SLC35F4: variants seen among roughly 807,000 people sequenced by gnomAD.
The protein encoded by SLC35F4 is chromosome 14 open reading frame 36.
A neutral mutation model predicts 44.2 loss-of-function variants in SLC35F4; 24 were observed. The ratio of observed to expected loss-of-function variants is 0.54; its 90% CI spans 0.39 to 0.76. The LOEUF (loss-of-function observed/expected upper bound fraction) is 0.76, where lower values mean the gene tolerates loss of function less well. Among genes scored for constraint, SLC35F4 ranks in the 30% least tolerant of loss-of-function variants. The pLI is 0.00. For synonymous variants in SLC35F4, 238 were observed against 223.6 expected (o/e 1.06, Z -0.57); for missense variants, 562 against 586.1 (o/e 0.96, Z 0.42).
At chr14:57,925,983 T>A (rs529188612) in intron 1 of SLC35F4, among the ~76,000 whole-genome samples, 1 of 152,320 alleles carries the variant, frequency 6.6e-6, no homozygotes, top group African/African-American at 2.4e-5. Context: ...CACAGATCAC[T>A]TTTGTGCCTG....
At chr14:57,659,858 T>C (rs1221949256) in intron 1 of SLC35F4, among the ~76,000 whole-genome samples, 1 of 152,222 alleles carries the variant, frequency 6.6e-6, no homozygotes, top group Admixed American at 6.5e-5. Flanking sequence ...TTTTTAAAGA[T>C]TACTTTTATG....
At chr14:57,915,980 C>T (rs983844513) in intron 1 of SLC35F4, among the ~76,000 whole-genome samples, 2 of 152,186 alleles carry the variant, frequency 1.3e-5, no homozygotes, top group Non-Finnish European at 2.9e-5. Context: ...CAGCAACAAC[C>T]CTGCTTCTTG....
chr14:57,705,867 GT>G lies in SLC35F4; in HGVS notation c.104-111744del, dbSNP rs564582479. Among the ~76,000 whole-genome samples the G allele has an allele frequency of 7.4e-4, 113 of 152,134 alleles. 1 individual carries two copies. The highest frequency in any genetic ancestry group is 2.6e-3 in the African/African-American group (106 of 41,486). On this transcript the variant is annotated intron_variant, in intron 1 of 7. Transcript: ENST00000556826. ...TTATATAGATGTTTCCTCGAAGTTA[GT>G]TTTTTTTCTCCCTAACTAGAGGTTA...
At chr14:57,754,098 C>CTTTT (rs1200175550) in intron 1 of SLC35F4, among the ~76,000 whole-genome samples, 59 of 110,436 alleles carry the variant, frequency 5.3e-4, no homozygotes, top group East Asian at 8.1e-4. Context: ...TAACCCAATG[C>CTTTT]TTTTTTTTTT....
At chr14:57,766,460 T>C (rs1319190091) in intron 1 of SLC35F4, among the ~76,000 whole-genome samples, 1 of 152,098 alleles carries the variant, frequency 6.6e-6, no homozygotes, top group Non-Finnish European at 1.5e-5. Context: ...TTGGGTGCAG[T>C]AGAGTGAGAA....
In SLC35F4 at chr14:57,722,333, G is replaced by A. The variant is rs187849204; in HGVS notation, c.104-128209C>T. Among the ~76,000 whole-genome samples the A allele has an allele frequency of 5.1e-4, 77 of 152,318 alleles. 1 individual carries two copies. The highest frequency in any genetic ancestry group is 5.0e-3 in the Admixed American group (77 of 15,298). Reference sequence around the variant, plus strand: ...AATGACTTATTTCCCTTGGTTTAATGTACAGGAAAAGGATCAAAAGGCTTA... The same window carrying A: ...AATGACTTATTTCCCTTGGTTTAATATACAGGAAAAGGATCAAAAGGCTTA... On this transcript the variant is annotated intron_variant, in intron 1 of 7. Coordinates refer to ENST00000556826, the MANE Select transcript of SLC35F4 (RefSeq NM_001306087.2).
At chr14:57,943,530 G>A (rs903173530) in intron 1 of SLC35F4, among the ~76,000 whole-genome samples, 1 of 152,118 alleles carries the variant, frequency 6.6e-6, no homozygotes, top group Non-Finnish European at 1.5e-5. Context: ...CTCACCGCAT[G>A]GTGCCTTAGC....
In SLC35F4 at chr14:57,690,047, G is replaced by A. The variant is rs1374999618; in HGVS notation, c.104-95923C>T. 3.3e-5 allele frequency among the ~76,000 whole-genome samples: 5 copies of A among 152,032 alleles called. No individual in the cohort carries two copies. The South Asian group carries it at 8.3e-4, about 25-fold the overall frequency. ...TTTGCACACTCTCTCTTTCTAGAAT[G>A]TTCTTTCATACTTTCATCTCTACTT... is the stretch of plus-strand genomic sequence containing the variant. On this transcript the variant is annotated intron_variant, in intron 1 of 7. Coordinates refer to ENST00000556826, the MANE Select transcript of SLC35F4 (RefSeq NM_001306087.2).
intron 1 of SLC35F4, among the ~76,000 whole-genome samples, chr14:57,796,713 A>G (rs2078061545): frequency 6.6e-6 from 1 of 152,332 alleles, no homozygotes; most frequent in Admixed American, 6.5e-5. Flanking sequence ...GAATGAAATA[A>G]GTAGGCATAG....
At chr14:57,813,604 A>G (rs1395129382) in intron 1 of SLC35F4, among the ~76,000 whole-genome samples, 1 of 152,204 alleles carries the variant, frequency 6.6e-6, no homozygotes, top group East Asian at 1.9e-4. Flanking sequence ...CCTTATAAAA[A>G]GTATTTTATA....
chr14:57,570,034 C>T (rs1212622292), intron 5 of SLC35F4, 54 bp from the exon 6 acceptor site: 8 of 1,495,186 alleles, frequency 5.4e-6, no homozygotes, highest in African/African-American at 2.8e-5. Flanking sequence ...AGAGCAGAAA[C>T]GTAAGTCTTA....
intron 1 of SLC35F4, among the ~76,000 whole-genome samples, chr14:57,696,941 G>A (rs369009736): frequency 2.0e-5 from 3 of 152,102 alleles, no homozygotes; most frequent in Non-Finnish European, 4.4e-5. Context: ...AAAGGGGAGG[G>A]AGAGCATTAG....
intron 1 of SLC35F4, among the ~76,000 whole-genome samples, chr14:57,801,228 A>G (rs780328937): frequency 2.0e-5 from 3 of 152,248 alleles, no homozygotes; most frequent in Non-Finnish European, 2.9e-5. Flanking sequence ...TTCTGAAAGA[A>G]AAGAATTTCC....
At chr14:57,749,235 T>C (rs2076827731) in intron 1 of SLC35F4, among the ~76,000 whole-genome samples, 2 of 152,218 alleles carry the variant, frequency 1.3e-5, no homozygotes, top group South Asian at 4.1e-4. Flanking sequence ...TTACTGCTGT[T>C]GTCATCCTTT....
chr14:57,727,273 T>G (rs2076229283), intron 1 of SLC35F4, among the ~76,000 whole-genome samples: 1 of 152,048 alleles, frequency 6.6e-6, no homozygotes, highest in Non-Finnish European at 1.5e-5. Context: ...GTCTCCTTTT[T>G]CATCTCTGAT....
intron 1 of SLC35F4, among the ~76,000 whole-genome samples, chr14:57,799,039 G>T (rs1283268992): frequency 1.3e-5 from 2 of 152,212 alleles, no homozygotes; most frequent in Non-Finnish European, 1.5e-5. Context: ...ATTAGAAGCA[G>T]CTGCGGTCCT....
At position 57,705,119 on chromosome 14, in the gene SLC35F4, T is replaced by C. The variant is rs182519446; in HGVS notation, c.104-110995A>G. 7.9e-5 allele frequency among the ~76,000 whole-genome samples: 12 copies of C among 152,298 alleles called. No individual in the cohort carries two copies. In the East Asian group the frequency reaches 2.1e-3, roughly 27 times the overall value. On this transcript the variant is annotated intron_variant, in intron 1 of 7. Transcript: ENST00000556826. ...TTGTTCTGAGAATCAAATGAATTAA[T>C]ATATGTTAAAAATTTTGAATAGTGG...
intron 1 of SLC35F4, among the ~76,000 whole-genome samples, chr14:57,932,622 G>A (rs1174655345): frequency 6.6e-6 from 1 of 152,166 alleles, no homozygotes; most frequent in Non-Finnish European, 1.5e-5. Flanking sequence ...GCTGAGGCAG[G>A]TGGATCACTT....
chr14:57,617,786 A>T (rs2071932617), intron 1 of SLC35F4, among the ~76,000 whole-genome samples: 1 of 152,206 alleles, frequency 6.6e-6, no homozygotes, highest in Non-Finnish European at 1.5e-5. Context: ...CTAAGCAGGA[A>T]CCCAGAGGAG....
Sources: gnomAD v4.1 joint callset for allele counts (sites outside exome capture counted in the v4.1 genomes callset) on GRCh38, gnomAD v4.1.1 for gene constraint, MANE v1.5 for transcripts, NCBI Gene and HGNC (gene_info 2026-07-23, HGNC 2026-07-21) for gene names.